KIF21A: variants seen among roughly 807,000 people sequenced by gnomAD.
KIF21A encodes kinesin-like protein KIF21A.
In KIF21A, 114 loss-of-function variants were observed where a neutral mutation model predicts 202.9. That is an observed-to-expected ratio of 0.56 (90% CI 0.48 to 0.66). The LOEUF is 0.66. Ranked by LOEUF, KIF21A falls within the 30% of genes least tolerant of loss-of-function variation. The probability of loss-of-function intolerance (pLI) is 0.00; values close to 1 mark genes in which losing one functional copy is unlikely to be tolerated. For synonymous variants in KIF21A, 667 were observed against 670.8 expected, an observed-to-expected ratio of 0.99 and a Z score of 0.09; for missense variants, 1,677 against 1,994.9, an observed-to-expected ratio of 0.84 and a Z score of 3.04.
chr12:39,346,782 A>G (rs1947930148), intron 11 of KIF21A, among the ~76,000 whole-genome samples: 1 of 151,968 alleles, frequency 6.6e-6, no homozygotes. Flanking sequence ...CTCAATTTAT[A>G]AAAGTTGATA....
chr12:39,315,728 T>C (rs1004041728), intron 30 of KIF21A: 15 of 628,900 alleles, frequency 2.4e-5, no homozygotes, highest in Non-Finnish European at 4.3e-5. Context: ...TTTAAACTAT[T>C]ATACAAAAAA....
intron 1 of KIF21A, among the ~76,000 whole-genome samples, chr12:39,405,678 T>C (rs1367266370): frequency 6.6e-6 from 1 of 152,074 alleles, no homozygotes; most frequent in Non-Finnish European, 1.5e-5. Flanking sequence ...GCAGCTGCTT[T>C]TAAAAAGCGT....
rs770118583 is a variant in KIF21A at position 39,356,904 on chromosome 12, C to G, written c.1406-9G>C. ...CTCCTCATTTCCTTCACCTGAAAGA[C>G]AAAATATGAAATAAAAATTTTCCTT... On this transcript the variant is annotated splice_polypyrimidine_tract_variant and intron_variant, in intron 9 of 37. Coordinates refer to ENST00000361418, the MANE Select transcript of KIF21A (RefSeq NM_001173464.2). The G allele has an allele frequency of 1.2e-5, 14 of 1,192,604 alleles. No homozygotes were observed. Among genetic ancestry groups the G allele is most frequent in the Non-Finnish European group, 1.7e-5 (14 of 806,032 alleles). The allele number at this position is 1,192,604 out of a possible 1,614,324, so 73.9% of individuals were successfully genotyped here. A position where few individuals can be genotyped will look rare whatever the true frequency, so the allele number is the denominator to read the frequency against.
At chr12:39,348,800 A>G (rs1948120383) in intron 11 of KIF21A, among the ~76,000 whole-genome samples, 1 of 151,892 alleles carries the variant, frequency 6.6e-6, no homozygotes, top group Admixed American at 6.6e-5. Flanking sequence ...AAAACCAAAC[A>G]AACAAACAGA....
Position 39,318,326 on chromosome 12 carries a change from CT to C in KIF21A, c.3780-126del, listed in dbSNP as rs1292156796. ...AGAGAACTCCTTCTTTCCTTTCTTC[CT>C]TTTTTGTAAGATAAAATGCATTCTG... On this transcript the variant is annotated intron_variant, in intron 28 of 37. Coordinates refer to ENST00000361418, the MANE Select transcript of KIF21A (RefSeq NM_001173464.2). 13 of 902,786 alleles carry C rather than the reference CT, an allele frequency of 1.4e-5. No homozygotes were observed. In the East Asian group the frequency reaches 3.1e-4, roughly 22 times the overall value. The allele number at this position is 902,786 out of a possible 1,614,324, so 55.9% of individuals were successfully genotyped here.
intron 11 of KIF21A, among the ~76,000 whole-genome samples, chr12:39,351,294 C>T (rs1395340815): frequency 6.6e-6 from 1 of 151,808 alleles, no homozygotes; most frequent in Non-Finnish European, 1.5e-5. Flanking sequence ...AATTAGAAGC[C>T]CTGCAGAAAA....
intron 7 of KIF21A, among the ~76,000 whole-genome samples, chr12:39,359,475 A>T (rs964985794): frequency 1.4e-4 from 21 of 152,248 alleles, no homozygotes; most frequent in African/African-American, 4.8e-4. Context: ...GCATACTTCT[A>T]AACATATAAC....
chr12:39,346,620 AT>A (rs772605992), intron 11 of KIF21A, 116 bp from the exon 12 acceptor site: 6 of 587,998 alleles, frequency 1.0e-5, no homozygotes, highest in Non-Finnish European at 1.6e-5. Flanking sequence ...AGACTTTAAA[AT>A]AAATTTTAAA....
In KIF21A at chr12:39,350,194, T is replaced by C. The variant is rs573914095; in HGVS notation, c.1673+1583A>G. Among the ~76,000 whole-genome samples, 20 of 152,100 alleles carry C rather than the reference T, an allele frequency of 1.3e-4. No homozygotes were observed. The South Asian group carries it at 4.1e-3, about 32-fold the overall frequency. ...TGATGAGTTCTTATTAGTATTAACA[T>C]CTATTATTTTTATTGTAATAATTAT... On this transcript the variant is annotated intron_variant, in intron 11 of 37. Transcript: ENST00000361418.
rs564146541 is a variant in KIF21A, at chr12:39,309,878, T to C, written c.4097-112A>G. The C allele has an allele frequency of 2.1e-5, 20 of 939,376 alleles. No homozygotes were observed. The South Asian group carries it at 2.7e-4, about 13-fold the overall frequency. The allele number at this position is 939,376 out of a possible 1,614,324, so 58.2% of individuals were successfully genotyped here. On this transcript the variant is annotated intron_variant, in intron 32 of 37. Coordinates refer to ENST00000361418, the MANE Select transcript of KIF21A (RefSeq NM_001173464.2). ...CTCTTCTATGGGAAGGAAATGAAAA[T>C]AGTAATTAACATACCACAAGGATCC...
At chr12:39,406,336 A>G (rs932780353) in intron 1 of KIF21A, among the ~76,000 whole-genome samples, 8 of 152,192 alleles carry the variant, frequency 5.3e-5, no homozygotes, top group African/African-American at 1.9e-4. Context: ...GGGATGCATC[A>G]ATGTCTCTAT....
At chr12:39,327,231 C>T (rs1010396273) in intron 24 of KIF21A, among the ~76,000 whole-genome samples, 4 of 152,172 alleles carry the variant, frequency 2.6e-5, no homozygotes, top group African/African-American at 9.6e-5. Flanking sequence ...GGCTATGGCA[C>T]CATTAGTCAA....
chr12:39,416,689 A>ATATATATGTACATATGTATGTGTG (rs1566266737), intron 1 of KIF21A, among the ~76,000 whole-genome samples: 1 of 94,740 alleles, frequency 1.1e-5, no homozygotes, highest in African/African-American at 7.2e-5. Flanking sequence ...ATATGTGTGT[A>ATATATATGTACATATGTATGTGTG]TATATATATG....
At position 39,293,761 on chromosome 12, in the gene KIF21A, T is replaced by C. The variant is rs1352820902; in HGVS notation, c.*663A>G. 1 of 152,574 alleles carries C rather than the reference T, an allele frequency of 6.6e-6. No homozygotes were observed. Among genetic ancestry groups the C allele is most frequent in the South Asian group, 2.1e-4 (1 of 4,836 alleles). 9.5% of individuals were successfully genotyped at this position (152,574 alleles called of 1,614,324 possible). A position where few individuals can be genotyped will look rare whatever the true frequency, so the allele number is the denominator to read the frequency against. On this transcript the variant is annotated 3_prime_UTR_variant, in exon 38 of 38. Transcript: ENST00000361418. ...AAAAAAAAAAAAATTAACAGCATTT[T>C]AGTCCTGAGCACAGAATATAGTAGA...
intron 11 of KIF21A, among the ~76,000 whole-genome samples, chr12:39,346,952 T>C (rs570924525): frequency 6.6e-6 from 1 of 152,016 alleles, no homozygotes; most frequent in African/African-American, 2.4e-5. Flanking sequence ...AATGCCTTTA[T>C]ACCATAATAT....
rs551798806 is a variant in KIF21A at position 39,318,267 on chromosome 12, A to T, written c.3780-66T>A. 4.6e-5 allele frequency: 68 copies of T among 1,486,178 alleles called. No individual in the cohort carries two copies. In the South Asian group the frequency reaches 7.4e-4, roughly 16 times the overall value. The allele number at this position is 1,486,178 out of a possible 1,614,324, so 92.1% of individuals were successfully genotyped here. ...GTTATGATTTGTTAGAAAAGTTATA[A>T]GAAACATGCTCTTTTAAAAAAAAGC... On this transcript the variant is annotated intron_variant, in intron 28 of 37. Transcript: ENST00000361418.
At chr12:39,403,349 G>T (rs1439762927) in intron 1 of KIF21A, among the ~76,000 whole-genome samples, 1 of 152,126 alleles carries the variant, frequency 6.6e-6, no homozygotes, top group African/African-American at 2.4e-5. Context: ...AGCATACTAA[G>T]TTTTTAATTA....
chr12:39,402,149 T>C (rs1319351449), intron 1 of KIF21A, among the ~76,000 whole-genome samples: 1 of 152,186 alleles, frequency 6.6e-6, no homozygotes, highest in Non-Finnish European at 1.5e-5. Context: ...CCGTGCCTCT[T>C]AGGAAATTTT....
intron 11 of KIF21A, among the ~76,000 whole-genome samples, chr12:39,347,830 G>A (rs1948031960): frequency 6.6e-6 from 1 of 152,022 alleles, no homozygotes; most frequent in African/African-American, 2.4e-5. Context: ...GATGAGTGAA[G>A]TTTTTTATGT....
Sources: allele counts gnomAD v4.1 joint callset (sites outside exome capture counted in the v4.1 genomes callset), GRCh38; gene constraint gnomAD v4.1.1; transcripts MANE v1.5; gene names NCBI Gene and HGNC (gene_info 2026-07-23, HGNC 2026-07-21).